Variants in RNF111 observed in about 807,000 individuals in gnomAD.
RNF111 encodes E3 ubiquitin-protein ligase Arkadia.
Under a neutral mutation model 95.1 loss-of-function variants are expected in RNF111, and 17 were observed. That is an observed-to-expected ratio of 0.18 (90% CI 0.12 to 0.27). The LOEUF (loss-of-function observed/expected upper bound fraction) is 0.27, where lower values mean the gene tolerates loss of function less well. RNF111 is among the 10% of genes least tolerant of loss of function. The probability of loss-of-function intolerance (pLI) is 1.00; values close to 1 mark genes in which losing one functional copy is unlikely to be tolerated. For missense variants in RNF111, 1,189 were observed against 1,210.4 expected, an observed-to-expected ratio of 0.98 and a Z score of 0.26; for synonymous variants, 440 against 414.8, an observed-to-expected ratio of 1.06 and a Z score of -0.74.
chr15:59,053,436 C>T (rs1218159081), intron 3 of RNF111, among the ~76,000 whole-genome samples: 1 of 152,140 alleles, frequency 6.6e-6, no homozygotes, highest in Non-Finnish European at 1.5e-5. Context: ...AGTGCATTTG[C>T]TTATTGCATG....
Position 59,080,995 on chromosome 15 carries a change from A to G in RNF111, c.2008A>G (p.Asn670Asp), listed in dbSNP as rs759567903. The change falls in exon 8 of 14, where the codon AAC becomes GAC. Residue 670 changes from asparagine to aspartate, a missense_variant. This residue lies in a region of RNF111 where 1,024 missense variants were observed against 925.9 expected (regional missense o/e 1.11). Coordinates refer to ENST00000348370, the MANE Select transcript of RNF111 (RefSeq NM_017610.8). ...TTCTGCCTGCCCGCATTCTCATGGAAACCCCCCTCCTCAGACTCAGCCTCC... is the reference window on the plus strand; with the variant it reads ...TTCTGCCTGCCCGCATTCTCATGGAGACCCCCCTCCTCAGACTCAGCCTCC... Reference protein sequence around the residue: ...QASACPHSHGNPPPQTQPPPQ... With the variant: ...QASACPHSHGDPPPQTQPPPQ... The G allele has an allele frequency of 2.5e-6, 4 of 1,613,668 alleles. No homozygotes were observed. The African/African-American group carries it at 5.3e-5, about 22-fold the overall frequency.
At chr15:58,990,487 G>C (rs1025267117) in intron 1 of RNF111, among the ~76,000 whole-genome samples, 1 of 152,034 alleles carries the variant, frequency 6.6e-6, no homozygotes, top group Non-Finnish European at 1.5e-5. Context: ...CATCTCTACT[G>C]AAAATACAAA....
At chr15:58,989,241 A>T (rs1397701072) in intron 1 of RNF111, among the ~76,000 whole-genome samples, 1 of 152,194 alleles carries the variant, frequency 6.6e-6, no homozygotes. Flanking sequence ...GTCTGGTTAT[A>T]TTTGTGAGGT....
intron 1 of RNF111, among the ~76,000 whole-genome samples, chr15:59,002,617 G>C (rs573479348): frequency 5.3e-5 from 8 of 151,756 alleles, no homozygotes; most frequent in African/African-American, 1.9e-4. Context: ...TTAGATCCAG[G>C]CTTTGCTATC....
At chr15:59,015,141 C>T (rs114812703) in intron 1 of RNF111, among the ~76,000 whole-genome samples, 2 of 151,878 alleles carry the variant, frequency 1.3e-5, no homozygotes, top group South Asian at 2.1e-4. Flanking sequence ...GGACCAAAGT[C>T]GAATTTTTTA....
In RNF111 at chr15:59,055,809, G is replaced by A. The variant is rs2042179424; in HGVS notation, c.1135G>A (p.Ala379Thr). Reference protein sequence around the residue: ...STVIQPLRQNAAEVVDLTVDE... With the variant: ...STVIQPLRQNTAEVVDLTVDE... The stretch of plus-strand genomic sequence containing the variant: ...TGTTATACAGCCCTTGAGGCAGAAT[G>A]CAGCAGAAGTTGTGGACCTTACCGT... Residue 379 changes from alanine (A) to threonine (T), a missense_variant, in exon 4 of 14, where the codon GCA becomes ACA. Transcript: ENST00000348370. The A allele has an allele frequency of 6.2e-7, 1 of 1,613,808 alleles. No individual in the cohort carries two copies. The highest frequency in any genetic ancestry group is 2.2e-5 in the East Asian group (1 of 44,860).
chr15:58,996,496 G>T (rs1432824553), intron 1 of RNF111, among the ~76,000 whole-genome samples: 1 of 151,700 alleles, frequency 6.6e-6, no homozygotes, highest in African/African-American at 2.4e-5. Flanking sequence ...CAGGAGAATC[G>T]CTTGAACCTG....
intron 1 of RNF111, among the ~76,000 whole-genome samples, chr15:58,996,781 T>G (rs1230589768): frequency 6.6e-6 from 1 of 151,672 alleles, no homozygotes; most frequent in Non-Finnish European, 1.5e-5. Context: ...TTAATGTGTG[T>G]TTTTTCAAAG....
At chr15:59,040,655 A>G (rs1346485062) in intron 2 of RNF111, among the ~76,000 whole-genome samples, 1 of 152,224 alleles carries the variant, frequency 6.6e-6, no homozygotes, top group Non-Finnish European at 1.5e-5. Flanking sequence ...ATACGTACAC[A>G]TAAGTGAACT....
chr15:58,995,866 G>A (rs1425849529), intron 1 of RNF111, among the ~76,000 whole-genome samples: 1 of 149,826 alleles, frequency 6.7e-6, no homozygotes, highest in East Asian at 2.0e-4. Context: ...CTTGGAATGA[G>A]CCGTTTTCCA....
At chr15:59,087,675 T>G in intron 10 of RNF111, among the ~76,000 whole-genome samples, 1 of 152,166 alleles carries the variant, frequency 6.6e-6, no homozygotes. Flanking sequence ...CTTTCCTTAT[T>G]GTCTTCACAT....
At chr15:59,066,653 T>A in intron 5 of RNF111, 111 bp from the exon 6 acceptor site, 1 of 878,110 alleles carries the variant, frequency 1.1e-6, no homozygotes, top group Non-Finnish European at 1.7e-6. Context: ...TACAGAGATT[T>A]GAAATTACCG....
At chr15:59,044,028 C>CT (rs1301004314) in intron 2 of RNF111, among the ~76,000 whole-genome samples, 2 of 151,460 alleles carry the variant, frequency 1.3e-5, no homozygotes, top group African/African-American at 4.8e-5. Context: ...TGGAAACTGT[C>CT]TTTTTTTTTC....
rs2040923654 is a variant in RNF111, at chr15:59,031,804, G to T, written c.880+102G>T. On this transcript the variant is annotated intron_variant, in intron 2 of 13. Coordinates refer to ENST00000348370, the MANE Select transcript of RNF111 (RefSeq NM_017610.8). ...TGATTTTATTTAAAGGGACTATCAG[G>T]TTCTATTAACTTTTATTTTTAAGTC... 5 of 1,000,496 alleles carry T rather than the reference G, an allele frequency of 5.0e-6. No homozygotes were observed. In the Admixed American group the frequency reaches 9.8e-5, roughly 20 times the overall value. The allele number at this position is 1,000,496 out of a possible 1,614,324, so 62.0% of individuals were successfully genotyped here.
At chr15:59,065,158 C>T (rs575070777) in intron 5 of RNF111, among the ~76,000 whole-genome samples, 311 of 152,038 alleles carry the variant, frequency 2.0e-3, no homozygotes, top group African/African-American at 7.0e-3. Flanking sequence ...TGAGGAGATG[C>T]CTCAGAATCA....
intron 2 of RNF111, among the ~76,000 whole-genome samples, chr15:59,040,451 C>T (rs2041395619): frequency 6.6e-6 from 1 of 152,072 alleles, no homozygotes; most frequent in South Asian, 2.1e-4. Context: ...ACTGTTTTAA[C>T]AGACAAAGCT....
At chr15:59,080,078 G>A (rs1225668257) in intron 7 of RNF111, among the ~76,000 whole-genome samples, 1 of 149,996 alleles carries the variant, frequency 6.7e-6, no homozygotes, top group Admixed American at 6.7e-5. Flanking sequence ...AAAATTTAGT[G>A]GTAATGTGGG....
intron 1 of RNF111, among the ~76,000 whole-genome samples, chr15:59,013,858 G>T (rs1349364720): frequency 6.6e-6 from 1 of 151,320 alleles, no homozygotes; most frequent in Non-Finnish European, 1.5e-5. Flanking sequence ...GTGCTTTCTT[G>T]GCTCACTGCA....
intron 1 of RNF111, among the ~76,000 whole-genome samples, chr15:58,996,005 G>T (rs962343297): frequency 6.6e-6 from 1 of 151,706 alleles, no homozygotes; most frequent in Admixed American, 6.6e-5. Context: ...TTGATAGTAG[G>T]TTTATATTTC....
Sources: gnomAD v4.1 joint callset for allele counts (sites outside exome capture counted in the v4.1 genomes callset) on GRCh38, gnomAD v4.1.1 for gene constraint, gnomAD v4.1.1 regional missense constraint, MANE v1.5 for transcripts, NCBI Gene and HGNC (gene_info 2026-07-23, HGNC 2026-07-21) for gene names.